Variants in APLP2 observed in about 807,000 individuals in gnomAD.
The protein encoded by APLP2 is amyloid beta precursor like protein 2.
Under a neutral mutation model 89.9 loss-of-function variants are expected in APLP2, and 53 were observed. The ratio of observed to expected loss-of-function variants is 0.59; its 90% confidence interval spans 0.47 to 0.74. APLP2 has a LOEUF of 0.74. Among genes scored for constraint, APLP2 ranks in the 30% least tolerant of loss-of-function variants. The pLI is 0.00. For missense variants in APLP2, 973 were observed against 975.9 expected (o/e 1.00, Z 0.04); for synonymous variants, 372 against 348.6 (o/e 1.07, Z -0.75).
intron 1 of APLP2, among the ~76,000 whole-genome samples, chr11:130,084,797 C>G (rs1943847939): frequency 6.6e-6 from 1 of 150,774 alleles, no homozygotes; most frequent in Non-Finnish European, 1.5e-5. Context: ...CCAAAGTGAG[C>G]AGAAGGAGGA....
chr11:130,082,915 C>A (rs1170726728), intron 1 of APLP2: 1 of 152,408 alleles, frequency 6.6e-6, no homozygotes, highest in Non-Finnish European at 1.5e-5. Context: ...CACATGTCAG[C>A]CACAAGACAT....
intron 12 of APLP2, among the ~76,000 whole-genome samples, chr11:130,135,091 C>T (rs984277082): frequency 2.0e-5 from 3 of 149,922 alleles, no homozygotes; most frequent in Admixed American, 6.6e-5. Context: ...GTTGTAGTTA[C>T]GTGGGGTGGA....
intron 1 of APLP2, among the ~76,000 whole-genome samples, chr11:130,103,720 T>C (rs1947255715): frequency 6.6e-6 from 1 of 152,252 alleles, no homozygotes; most frequent in African/African-American, 2.4e-5. Flanking sequence ...GGTGACCTCA[T>C]GTAACTAATT....
chr11:130,132,268 G>C (rs1243503891), intron 11 of APLP2, among the ~76,000 whole-genome samples: 1 of 152,174 alleles, frequency 6.6e-6, no homozygotes, highest in Non-Finnish European at 1.5e-5. Flanking sequence ...TTGATTGACA[G>C]AATGGCAAAT....
chr11:130,134,498 A>C (rs568262998), intron 12 of APLP2, among the ~76,000 whole-genome samples: 2 of 152,334 alleles, frequency 1.3e-5, no homozygotes, highest in East Asian at 3.9e-4. Flanking sequence ...ATGAGGAAGA[A>C]ATTTCAGCAA....
intron 1 of APLP2, among the ~76,000 whole-genome samples, chr11:130,080,813 C>T (rs549536372): frequency 7.0e-4 from 105 of 150,846 alleles, no homozygotes; most frequent in African/African-American, 2.4e-3. Flanking sequence ...TCTCCTGACT[C>T]AGCCTCCCAA....
At chr11:130,143,326 C>T in intron 16 of APLP2, 21 bp from the exon 17 acceptor site, 1 of 1,608,598 alleles carries the variant, frequency 6.2e-7, no homozygotes, top group East Asian at 2.2e-5. Context: ...CCACAATGAC[C>T]CTCAGGTTTT....
chr11:130,124,652 G>A (rs1950182013), intron 7 of APLP2, among the ~76,000 whole-genome samples: 1 of 152,188 alleles, frequency 6.6e-6, no homozygotes, highest in Non-Finnish European at 1.5e-5. Flanking sequence ...TTTGGCTATA[G>A]CTTCTGACGG....
chr11:130,112,737 A>G (rs1351842054), intron 3 of APLP2, among the ~76,000 whole-genome samples: 1 of 152,126 alleles, frequency 6.6e-6, no homozygotes, highest in Non-Finnish European at 1.5e-5. Context: ...GCAGATTGAA[A>G]ATGAAGACCA....
chr11:130,082,287 G>A (rs1020925722), intron 1 of APLP2, among the ~76,000 whole-genome samples: 3 of 151,998 alleles, frequency 2.0e-5, no homozygotes, highest in Non-Finnish European at 2.9e-5. Flanking sequence ...AGGTTCAAGC[G>A]ATTCTCCTGC....
intron 1 of APLP2, among the ~76,000 whole-genome samples, chr11:130,103,266 A>G (rs1947178839): frequency 6.6e-6 from 1 of 152,210 alleles, no homozygotes; most frequent in Non-Finnish European, 1.5e-5. Flanking sequence ...GACTCCTAAA[A>G]CATGGTCCAC....
intron 16 of APLP2, 93 bp downstream of exon 16, chr11:130,142,167 G>T: frequency 7.5e-6 from 10 of 1,340,798 alleles, no homozygotes; most frequent in Non-Finnish European, 1.0e-5. Flanking sequence ...CACTCCTCGA[G>T]TACTGGACAT....
chr11:130,081,415 A>G (rs938702372), intron 1 of APLP2, among the ~76,000 whole-genome samples: 3 of 152,228 alleles, frequency 2.0e-5, no homozygotes, highest in Non-Finnish European at 4.4e-5. Context: ...GTAGTATTGA[A>G]CTGTTACTTG....
At chr11:130,076,464 AAAG>A (rs775319103) in intron 1 of APLP2, among the ~76,000 whole-genome samples, 5 of 152,190 alleles carry the variant, frequency 3.3e-5, no homozygotes, top group Non-Finnish European at 5.9e-5. Context: ...AGTTTTAAGA[AAAG>A]AAGTTACGGT....
rs781366872 is a variant in APLP2 at position 130,143,693 on chromosome 11, G to C, written c.*245G>C. The C allele has an allele frequency of 2.5e-6, 1 of 396,828 alleles. No individual in the cohort carries two copies. 24.6% of individuals were successfully genotyped at this position (396,828 alleles called of 1,614,324 possible). On this transcript the variant is annotated 3_prime_UTR_variant, in exon 17 of 17. Transcript: ENST00000338167. ...TAAATGAAAAAAATGATCTATTGCA[G>C]ATATTTGATGTAGTTTTCTTTTTTA...
At chr11:130,140,758 A>G (rs1952267224) in intron 14 of APLP2, 1 of 233,702 alleles carries the variant, frequency 4.3e-6, no homozygotes, top group Non-Finnish European at 8.3e-6. Context: ...GTTAGAGGCC[A>G]TTTTCAAGTG....
chr11:130,129,543 A>G (rs1348052991), intron 10 of APLP2, among the ~76,000 whole-genome samples: 5 of 152,238 alleles, frequency 3.3e-5, no homozygotes, highest in Non-Finnish European at 7.3e-5. Context: ...AACAAGTTAC[A>G]TTATAAATAA....
At chr11:130,098,987 C>T (rs993601161) in intron 1 of APLP2, among the ~76,000 whole-genome samples, 1 of 152,120 alleles carries the variant, frequency 6.6e-6, no homozygotes, top group South Asian at 2.1e-4. Context: ...GTTTAGAAAA[C>T]ATATCCTTCT....
At chr11:130,073,243 A>G (rs59484611) in intron 1 of APLP2, among the ~76,000 whole-genome samples, 17,039 of 152,254 alleles carry the variant, frequency 0.11, 1,232 homozygotes, top group East Asian at 0.25. Context: ...AATACTTTAG[A>G]CATGGGCTAA....
Sources: allele counts gnomAD v4.1 joint callset (sites outside exome capture counted in the v4.1 genomes callset), GRCh38; gene constraint gnomAD v4.1.1; transcripts MANE v1.5; gene names NCBI Gene and HGNC (gene_info 2026-07-23, HGNC 2026-07-21).